The following PM20D2 variants were observed in gnomAD, a reference collection of about 807,000 sequenced individuals.
PM20D2 encodes peptidase M20 domain containing 2.
A neutral mutation model predicts 42.9 loss-of-function variants in PM20D2; 33 were observed. The ratio of observed to expected loss-of-function variants is 0.77; its 90% confidence interval spans 0.58 to 1.03. The LOEUF is 1.03. Ranked by LOEUF, PM20D2 falls within the 50% of genes least tolerant of loss-of-function variation. The pLI, the probability that PM20D2 is intolerant of heterozygous loss-of-function variation, is 0.00. For missense variants in PM20D2, 548 were observed against 557.0 expected, an observed-to-expected ratio of 0.98 and a Z score of 0.16; for synonymous variants, 250 against 228.2, an observed-to-expected ratio of 1.10 and a Z score of -0.86.
the PM20D2 span, among the ~76,000 whole-genome samples, chr6:89,129,154 G>A: frequency 1.3e-5 from 2 of 152,144 alleles, no homozygotes; most frequent in South Asian, 4.1e-4. Flanking sequence ...TGCAGAGTCA[G>A]GGGGCTGCCA....
chr6:89,141,482 T>G (rs1458036964), upstream of PM20D2, among the ~76,000 whole-genome samples: 1 of 151,970 alleles, frequency 6.6e-6, no homozygotes, highest in Non-Finnish European at 1.5e-5. Flanking sequence ...TCTCCTGCCT[T>G]AGCCTCCTGA....
chr6:89,124,524 C>G, the PM20D2 span, among the ~76,000 whole-genome samples: 1 of 151,850 alleles, frequency 6.6e-6, no homozygotes, highest in Admixed American at 6.6e-5. Flanking sequence ...GCGGGGAGTA[C>G]TAGGAGTTAT....
chr6:89,124,558 C>T, the PM20D2 span, among the ~76,000 whole-genome samples: 2 of 151,814 alleles, frequency 1.3e-5, no homozygotes, highest in Non-Finnish European at 2.9e-5. Flanking sequence ...AATGTTTGTG[C>T]TATTTATTGG....
chr6:89,101,959 A>T, the PM20D2 span, among the ~76,000 whole-genome samples: 3 of 152,070 alleles, frequency 2.0e-5, no homozygotes, highest in Non-Finnish European at 2.9e-5. Context: ...TGTGTACTAT[A>T]AGAAATACTA....
intron 1 of PM20D2, chr6:89,148,463 C>A: frequency 1.3e-6 from 1 of 756,610 alleles, no homozygotes; most frequent in African/African-American, 1.9e-5. Flanking sequence ...TTGTTTGAAG[C>A]AGTTAAGCTT....
At chr6:89,149,168 T>C in intron 1 of PM20D2, 97 bp from the exon 2 acceptor site, 3 of 1,441,210 alleles carry the variant, frequency 2.1e-6, no homozygotes, top group Non-Finnish European at 2.8e-6. Flanking sequence ...GGTTAAGGAC[T>C]TTAATGTAGA....
the PM20D2 span, among the ~76,000 whole-genome samples, chr6:89,109,204 A>C: frequency 2.6e-4 from 40 of 152,250 alleles, no homozygotes; most frequent in African/African-American, 9.4e-4. Context: ...CCGATGCATT[A>C]ATTCTGGACC....
At chr6:89,113,869 C>T in the PM20D2 span, among the ~76,000 whole-genome samples, 1 of 152,088 alleles carries the variant, frequency 6.6e-6, no homozygotes, top group Non-Finnish European at 1.5e-5. Flanking sequence ...TTTCAAACTC[C>T]TGAGCTTAAG....
At chr6:89,104,025 CGG>C in the PM20D2 span, among the ~76,000 whole-genome samples, 1 of 97,164 alleles carries the variant, frequency 1.0e-5, no homozygotes, top group African/African-American at 4.1e-5. Flanking sequence ...TTTGGAGAGA[CGG>C]AGTCTCACCA....
the PM20D2 span, among the ~76,000 whole-genome samples, chr6:89,114,476 G>A: frequency 4.6e-5 from 7 of 152,078 alleles, no homozygotes; most frequent in African/African-American, 1.7e-4. Context: ...TAGGGTTACT[G>A]CGAAAATTTA....
intron 4 of PM20D2, among the ~76,000 whole-genome samples, chr6:89,155,258 CTTTT>C (rs34776724): frequency 6.2e-3 from 364 of 58,898 alleles, no homozygotes; most frequent in East Asian, 0.045. Flanking sequence ...TCAGCAAAAG[CTTTT>C]TTTTTTTTTT....
At chr6:89,106,872 G>A in the PM20D2 span, 4 of 444,446 alleles carry the variant, frequency 9.0e-6, no homozygotes, top group Non-Finnish European at 1.7e-5. Context: ...CCTCTTCCAG[G>A]TCTTTATATC....
At chr6:89,104,426 C>T in the PM20D2 span, among the ~76,000 whole-genome samples, 11 of 151,568 alleles carry the variant, frequency 7.3e-5, no homozygotes, top group South Asian at 2.1e-4. Flanking sequence ...TTAGTAGAGG[C>T]GGGGTTTCAT....
chr6:89,139,683 G>A, the PM20D2 span, among the ~76,000 whole-genome samples: 5 of 152,202 alleles, frequency 3.3e-5, no homozygotes, highest in East Asian at 5.8e-4. Context: ...ACTCTGGCCC[G>A]CGTGGCAGAG....
chr6:89,135,530 C>T, the PM20D2 span, among the ~76,000 whole-genome samples: 1 of 151,244 alleles, frequency 6.6e-6, no homozygotes, highest in Admixed American at 6.6e-5. Flanking sequence ...AGTTTGTCTT[C>T]AATGTCTTAT....
chr6:89,127,944 C>T, the PM20D2 span, among the ~76,000 whole-genome samples: 6 of 152,140 alleles, frequency 3.9e-5, no homozygotes, highest in Non-Finnish European at 7.4e-5. Context: ...CTGTTACCTT[C>T]GTAAGCTAAG....
At chr6:89,118,840 A>C in the PM20D2 span, among the ~76,000 whole-genome samples, 4 of 152,338 alleles carry the variant, frequency 2.6e-5, no homozygotes, top group African/African-American at 9.6e-5. Flanking sequence ...GTAGAAGACA[A>C]CAGTTTAAAT....
chr6:89,115,522 T>C, the PM20D2 span, among the ~76,000 whole-genome samples: 1 of 152,062 alleles, frequency 6.6e-6, no homozygotes, highest in South Asian at 2.1e-4. Flanking sequence ...CCTCAAGTGA[T>C]CCGCCGAACT....
intron 5 of PM20D2, among the ~76,000 whole-genome samples, chr6:89,160,840 G>A (rs1334732030): frequency 6.6e-6 from 1 of 152,196 alleles, no homozygotes; most frequent in African/African-American, 2.4e-5. Context: ...GAATTTGAAG[G>A]TTAAGTAAGA....
Sources: allele counts gnomAD v4.1 joint callset (sites outside exome capture counted in the v4.1 genomes callset), GRCh38; gene constraint gnomAD v4.1.1; transcripts MANE v1.5; gene names NCBI Gene and HGNC (gene_info 2026-07-23, HGNC 2026-07-21).